CTDSPL: variants seen among roughly 807,000 people sequenced by gnomAD.
The protein encoded by CTDSPL is CTD small phosphatase like, also known as CTD small phosphatase-like protein.
Under a neutral mutation model 30.5 loss-of-function variants are expected in CTDSPL, and 8 were observed. The observed-to-expected ratio is 0.26, with a 90% CI of 0.15 to 0.47. The LOEUF is 0.47. Among genes scored for constraint, CTDSPL ranks in the 20% least tolerant of loss-of-function variants. The pLI is 0.99. For missense variants in CTDSPL, 248 were observed against 366.1 expected (o/e 0.68, Z 2.63); for synonymous variants, 110 against 137.9 (o/e 0.80, Z 1.42).
At chr3:37,865,269 T>C (rs1458275755) in intron 1 of CTDSPL, among the ~76,000 whole-genome samples, 1 of 152,216 alleles carries the variant, frequency 6.6e-6, no homozygotes, top group Non-Finnish European at 1.5e-5. Context: ...TACACATTAA[T>C]AGGAAAATGT....
intron 1 of CTDSPL, among the ~76,000 whole-genome samples, chr3:37,925,108 C>A (rs1698766179): frequency 1.3e-5 from 2 of 152,180 alleles, no homozygotes. Context: ...CCTTCCCTGT[C>A]CCCTCTGTCC....
At chr3:37,969,555 G>A in intron 5 of CTDSPL, 2 of 397,590 alleles carry the variant, frequency 5.0e-6, no homozygotes, top group South Asian at 3.9e-5. Context: ...TCACAAATCA[G>A]TCTCCTGCCC....
chr3:37,943,146 G>A (rs1239748642), intron 1 of CTDSPL, among the ~76,000 whole-genome samples: 1 of 150,250 alleles, frequency 6.7e-6, no homozygotes, highest in Non-Finnish European at 1.5e-5. Context: ...ATGCTGAGTC[G>A]AGGCATCCAG....
intron 1 of CTDSPL, among the ~76,000 whole-genome samples, chr3:37,892,166 C>G (rs374614477): frequency 1.3e-5 from 2 of 152,110 alleles, no homozygotes; most frequent in Admixed American, 6.6e-5. Context: ...GCATTAACAC[C>G]TTTAACTCTG....
chr3:37,927,632 ATATATG>A (rs1304901978), intron 1 of CTDSPL, among the ~76,000 whole-genome samples: 11 of 83,916 alleles, frequency 1.3e-4, no homozygotes, highest in African/African-American at 2.8e-4. Flanking sequence ...TAAAAGAAAA[ATATATG>A]TGTGTGTGTG....
intron 1 of CTDSPL, among the ~76,000 whole-genome samples, chr3:37,901,977 C>T (rs1698455360): frequency 1.3e-5 from 2 of 152,124 alleles, no homozygotes; most frequent in Non-Finnish European, 2.9e-5. Flanking sequence ...TTCGTGGTTG[C>T]GAGATGGCTG....
intron 1 of CTDSPL, among the ~76,000 whole-genome samples, chr3:37,886,047 G>T (rs79063436): frequency 6.6e-6 from 1 of 152,106 alleles, no homozygotes; most frequent in African/African-American, 2.4e-5. Flanking sequence ...AGGCCACAAA[G>T]GCCACATTGC....
intron 4 of CTDSPL, 33 bp downstream of exon 4, chr3:37,964,705 T>C (rs1453504706): frequency 6.7e-7 from 1 of 1,491,660 alleles, no homozygotes; most frequent in East Asian, 2.3e-5. Flanking sequence ...TCCATGATCT[T>C]TGTGATTTGA....
intron 1 of CTDSPL, among the ~76,000 whole-genome samples, chr3:37,886,454 T>A (rs1040480683): frequency 1.3e-5 from 2 of 152,156 alleles, no homozygotes; most frequent in African/African-American, 4.8e-5. Flanking sequence ...CTTTAGCCCA[T>A]AGTGATTTTT....
At chr3:37,868,652 A>G (rs1698039402) in intron 1 of CTDSPL, among the ~76,000 whole-genome samples, 1 of 152,026 alleles carries the variant, frequency 6.6e-6, no homozygotes, top group Non-Finnish European at 1.5e-5. Context: ...ATTTGTTGAA[A>G]AAGTTATCTG....
intron 1 of CTDSPL, among the ~76,000 whole-genome samples, chr3:37,909,575 T>C (rs1245223249): frequency 6.6e-6 from 1 of 152,256 alleles, no homozygotes; most frequent in African/African-American, 2.4e-5. Flanking sequence ...GCTGTTGTTC[T>C]GGCATATCTG....
intron 1 of CTDSPL, chr3:37,911,525 T>C (rs1167929523): frequency 2.7e-6 from 1 of 367,086 alleles, no homozygotes; most frequent in Admixed American, 3.2e-5. Flanking sequence ...GGTGAGGGAA[T>C]AATGAAGGCT....
intron 3 of CTDSPL, among the ~76,000 whole-genome samples, chr3:37,959,983 G>A (rs1251217593): frequency 6.6e-6 from 1 of 152,146 alleles, no homozygotes; most frequent in East Asian, 1.9e-4. Context: ...GAGGGCAGAT[G>A]GCTTCAGCTC....
rs114265910 is a variant in CTDSPL at position 37,906,363 on chromosome 3, C to T, written c.80-40694C>T. On this transcript the variant is annotated intron_variant, in intron 1 of 7. Coordinates refer to ENST00000273179, the MANE Select transcript of CTDSPL (RefSeq NM_001008392.2). ...TTTTGGGCCTAGGCATGTAAATGTGCGACTGTTACTGGTCCCAGACCACTG... is the reference window on the plus strand; with the variant it reads ...TTTTGGGCCTAGGCATGTAAATGTGTGACTGTTACTGGTCCCAGACCACTG... Among the ~76,000 whole-genome samples, 603 of 152,312 alleles carry T rather than the reference C, an allele frequency of 4.0e-3. 1 individual carries two copies. The highest frequency in any genetic ancestry group is 5.9e-3 in the Non-Finnish European group (401 of 68,018).
intron 2 of CTDSPL, among the ~76,000 whole-genome samples, chr3:37,953,014 T>G (rs1699127554): frequency 6.6e-6 from 1 of 152,264 alleles, no homozygotes; most frequent in Non-Finnish European, 1.5e-5. Context: ...TGAAAATATT[T>G]TTAAAACAAG....
At chr3:37,884,892 G>C (rs1698246916) in intron 1 of CTDSPL, among the ~76,000 whole-genome samples, 1 of 152,118 alleles carries the variant, frequency 6.6e-6, no homozygotes, top group Non-Finnish European at 1.5e-5. Flanking sequence ...AGTAGAACAG[G>C]GGTCTTGAGG....
intron 1 of CTDSPL, among the ~76,000 whole-genome samples, chr3:37,917,861 A>G (rs900274934): frequency 6.6e-6 from 1 of 152,250 alleles, no homozygotes; most frequent in African/African-American, 2.4e-5. Flanking sequence ...TTGACAGCAG[A>G]TATCGGAGAA....
At chr3:37,892,068 T>G (rs1283754084) in intron 1 of CTDSPL, among the ~76,000 whole-genome samples, 1 of 152,188 alleles carries the variant, frequency 6.6e-6, no homozygotes, top group Non-Finnish European at 1.5e-5. Flanking sequence ...GGAATATTCT[T>G]TATATGGATG....
intron 1 of CTDSPL, among the ~76,000 whole-genome samples, chr3:37,865,239 G>A (rs930889940): frequency 6.6e-6 from 1 of 152,156 alleles, no homozygotes; most frequent in African/African-American, 2.4e-5. Context: ...AGCCTACTTT[G>A]CAATCTGGAA....
Sources: allele counts gnomAD v4.1 joint callset (sites outside exome capture counted in the v4.1 genomes callset), GRCh38; gene constraint gnomAD v4.1.1; transcripts MANE v1.5; gene names NCBI Gene and HGNC (gene_info 2026-07-23, HGNC 2026-07-21).